The following CAMTA1 variants were observed in gnomAD, a reference collection of about 807,000 sequenced individuals.
CAMTA1 encodes the protein calmodulin-binding transcription activator 1.
Under a neutral mutation model 170.9 loss-of-function variants are expected in CAMTA1, and 27 were observed. The observed-to-expected ratio is 0.16, with a 90% confidence interval of 0.12 to 0.22. The LOEUF (loss-of-function observed/expected upper bound fraction) is 0.22. Among genes scored for constraint, CAMTA1 ranks in the 10% least tolerant of loss-of-function variants. The probability of loss-of-function intolerance (pLI) is 1.00; values close to 1 mark genes in which losing one functional copy is unlikely to be tolerated. For synonymous variants in CAMTA1, 833 were observed against 891.5 expected (o/e 0.93, Z 1.17); for missense variants, 1,619 against 2,217.2 (o/e 0.73, Z 5.42).
chr1:7,378,611 G>A lies in CAMTA1; in HGVS notation c.439-89219G>A, dbSNP rs1444636466. 3.9e-5 allele frequency among the ~76,000 whole-genome samples: 6 copies of A among 152,222 alleles called. No individual in the cohort carries two copies. The South Asian group carries it at 1.0e-3, about 26-fold the overall frequency. On this transcript the variant is annotated intron_variant, in intron 5 of 22. Coordinates refer to ENST00000303635, the MANE Select transcript of CAMTA1 (RefSeq NM_015215.4). ...GGGGCCGGGGGCAGGGAGGAGTGGGGAGGGGCTGCTTCAGGAGAATGGGGT... is the reference window on the plus strand; with the variant it reads ...GGGGCCGGGGGCAGGGAGGAGTGGGAAGGGGCTGCTTCAGGAGAATGGGGT...
intron 3 of CAMTA1, among the ~76,000 whole-genome samples, chr1:6,869,570 A>G (rs1023852668): frequency 2.6e-5 from 4 of 152,170 alleles, no homozygotes; most frequent in Non-Finnish European, 4.4e-5. Flanking sequence ...ATTATATTCC[A>G]GGTTCCTTGA....
intron 1 of CAMTA1, among the ~76,000 whole-genome samples, chr1:6,815,634 A>C (rs1645705461): frequency 6.6e-6 from 1 of 152,184 alleles, no homozygotes; most frequent in Non-Finnish European, 1.5e-5. Flanking sequence ...GTACTTTTTA[A>C]ATCTTCTAGG....
intron 6 of CAMTA1, among the ~76,000 whole-genome samples, chr1:7,542,837 C>CTG (rs2094630486): frequency 1.6e-5 from 1 of 61,216 alleles, no homozygotes; most frequent in East Asian, 4.0e-4. Context: ...GCCTAAAACA[C>CTG]AGTGTGTGTG....
chr1:7,560,982 G>A (rs957530819), intron 6 of CAMTA1, among the ~76,000 whole-genome samples: 1 of 152,144 alleles, frequency 6.6e-6, no homozygotes, highest in Non-Finnish European at 1.5e-5. Context: ...CCTCAGTGGG[G>A]GTGACTCGTA....
chr1:7,276,275 G>T, intron 5 of CAMTA1, among the ~76,000 whole-genome samples: 3 of 49,556 alleles, frequency 6.1e-5, no homozygotes, highest in Admixed American at 2.9e-4. Flanking sequence ...GCCTACACCT[G>T]ATCATATATA....
At chr1:7,187,194 G>GA (rs1653519990) in intron 4 of CAMTA1, among the ~76,000 whole-genome samples, 1 of 152,104 alleles carries the variant, frequency 6.6e-6, no homozygotes. Context: ...TTGCAGAGAG[G>GA]AATATGGGCT....
At chr1:6,845,303 G>A (rs926227348) in intron 3 of CAMTA1, among the ~76,000 whole-genome samples, 1 of 152,192 alleles carries the variant, frequency 6.6e-6, no homozygotes, top group Non-Finnish European at 1.5e-5. Flanking sequence ...GAAGCAGCAC[G>A]TGGACAAGCT....
chr1:6,907,802 T>C (rs1391318561), intron 3 of CAMTA1, among the ~76,000 whole-genome samples: 2 of 152,090 alleles, frequency 1.3e-5, no homozygotes, highest in African/African-American at 2.4e-5. Context: ...GGGCCCTTCC[T>C]GTCCAGCCCT....
At chr1:7,291,773 T>G (rs553208347) in intron 5 of CAMTA1, among the ~76,000 whole-genome samples, 1 of 152,358 alleles carries the variant, frequency 6.6e-6, no homozygotes, top group South Asian at 2.1e-4. Flanking sequence ...GGCATTGCCC[T>G]TGGACAGTTT....
intron 4 of CAMTA1, among the ~76,000 whole-genome samples, chr1:7,199,500 A>T (rs1656236622): frequency 6.6e-6 from 1 of 152,106 alleles, no homozygotes; most frequent in Admixed American, 6.5e-5. Flanking sequence ...ATCTGCCCCC[A>T]TGTCCTGTGC....
rs1348266306 is a variant in CAMTA1 at position 7,044,959 on chromosome 1, T to C, written c.235-46345T>C. On this transcript the variant is annotated intron_variant, in intron 3 of 22. Transcript: ENST00000303635. This position sits in a 1 kb window ranked among gnomAD's most constrained non-coding sequence, Gnocchi z 5.0. ...GTTTCTATGGGCTTCCTATGTTTCT[T>C]TGGAAGCAGCCTCTTCATAAACCCA... 6.6e-6 allele frequency among the ~76,000 whole-genome samples: 1 copy of C among 152,178 alleles called. No homozygotes were observed. The highest frequency in any genetic ancestry group is 1.5e-5 in the Non-Finnish European group (1 of 68,028).
At chr1:7,105,554 T>A (rs926928836) in intron 4 of CAMTA1, among the ~76,000 whole-genome samples, 4 of 152,226 alleles carry the variant, frequency 2.6e-5, no homozygotes, top group Non-Finnish European at 4.4e-5. Context: ...CTGTTTGTTG[T>A]CTTCTCAGGA....
At chr1:7,488,970 A>G (rs2149681958) in intron 6 of CAMTA1, among the ~76,000 whole-genome samples, 1 of 152,138 alleles carries the variant, frequency 6.6e-6, no homozygotes, top group Middle Eastern at 3.4e-3. Flanking sequence ...TATACATACA[A>G]GCACACACAC....
chr1:7,138,937 G>C (rs1645704172), intron 4 of CAMTA1, among the ~76,000 whole-genome samples: 1 of 150,208 alleles, frequency 6.7e-6, no homozygotes, highest in African/African-American at 2.5e-5. Context: ...AGAGGTTATA[G>C]TGAGCCAACA....
chr1:7,760,182 A>G (rs982333593), intron 22 of CAMTA1, among the ~76,000 whole-genome samples: 1 of 152,228 alleles, frequency 6.6e-6, no homozygotes. Context: ...TTTTAGTCAC[A>G]TATTTTCAAA....
At chr1:7,257,844 CA>C (rs1667646073) in intron 5 of CAMTA1, among the ~76,000 whole-genome samples, 1 of 152,158 alleles carries the variant, frequency 6.6e-6, no homozygotes, top group South Asian at 2.1e-4. Context: ...TGAACCTTTG[CA>C]GACAGAGGTT....
chr1:6,836,583 ATG>A (rs990124355), intron 3 of CAMTA1, among the ~76,000 whole-genome samples: 33 of 151,154 alleles, frequency 2.2e-4, no homozygotes, highest in African/African-American at 8.1e-4. Flanking sequence ...ATGTGTGTGT[ATG>A]TGTGTGTATG....
intron 3 of CAMTA1, among the ~76,000 whole-genome samples, chr1:6,827,905 T>A (rs1647718034): frequency 6.6e-6 from 1 of 152,206 alleles, no homozygotes. Context: ...ATTTAGAAGC[T>A]GTGTTGTACA....
At chr1:6,944,271 G>T (rs561223509) in intron 3 of CAMTA1, among the ~76,000 whole-genome samples, 8 of 152,302 alleles carry the variant, frequency 5.3e-5, no homozygotes, top group African/African-American at 1.9e-4. Context: ...CCGCTCGTCT[G>T]CCCAATGACA....
Sources: gnomAD v4.1 joint callset for allele counts (sites outside exome capture counted in the v4.1 genomes callset) on GRCh38, gnomAD v4.1.1 for gene constraint, Gnocchi (gnomAD v3.1) non-coding constraint, MANE v1.5 for transcripts, NCBI Gene and HGNC (gene_info 2026-07-23, HGNC 2026-07-21) for gene names.